PLK5: variants seen among roughly 807,000 people sequenced by gnomAD.
PLK5 encodes inactive serine/threonine-protein kinase PLK5.
Under a neutral mutation model 33.7 loss-of-function variants are expected in PLK5, and 28 were observed. That is an observed-to-expected ratio of 0.83 (90% confidence interval 0.62 to 1.14). The LOEUF is 1.14. Ranked by LOEUF, PLK5 falls within the 50% of genes most tolerant of loss-of-function variation. The probability of loss-of-function intolerance (pLI) is 0.00; values close to 1 mark genes in which losing one functional copy is unlikely to be tolerated. For missense variants in PLK5, 492 were observed against 461.5 expected, an observed-to-expected ratio of 1.07 and a Z score of -0.61; for synonymous variants, 225 against 202.2, an observed-to-expected ratio of 1.11 and a Z score of -0.96.
chr19:1,529,893 ATCCTGGGCCC>A (rs1913878436), intron 11 of PLK5, 69 bp downstream of exon 11: 1 of 1,449,832 alleles, frequency 6.9e-7, no homozygotes, highest in Non-Finnish European at 9.2e-7. Context: ...CTTCATTCCC[ATCCTGGGCCC>A]TCCTGGGTAT....
rs1913842674 is a variant in PLK5, at chr19:1,528,964, G to A, written c.395G>A (p.Trp132Ter). ...EGGPDPDSME[W>*]DGESSLSAKE... is the part of the protein sequence containing the mutation. ...GGGCCAGACCCTGACTCCATGGAGTGGGACGGCGAGGTGAGACATCGGGGT... is the reference window on the plus strand; with the variant it reads ...GGGCCAGACCCTGACTCCATGGAGTAGGACGGCGAGGTGAGACATCGGGGT... The change falls in exon 9 of 14, where the codon TGG becomes TAG. Residue 132 changes from tryptophan (W) to a stop codon, truncating the protein, a stop_gained. Transcript: ENST00000454744. LOFTEE classifies it high-confidence loss of function. 1 of 1,513,684 alleles carries A rather than the reference G, an allele frequency of 6.6e-7. No homozygotes were observed. Among genetic ancestry groups the A allele is most frequent in the Non-Finnish European group, 8.8e-7 (1 of 1,135,846 alleles). The allele number at this position is 1,513,684 out of a possible 1,614,324, so 93.8% of individuals were successfully genotyped here. A position where few individuals can be genotyped will look rare whatever the true frequency, so the allele number is the denominator to read the frequency against.
chr19:1,526,933 C>A lies in PLK5; in HGVS notation c.-64C>A. ...TCTGTGGGACCCCTAACTTCCTGGACCCTGAGGTTGTCTCCAGAAACGGTC... is the reference window on the plus strand; with the variant it reads ...TCTGTGGGACCCCTAACTTCCTGGAACCTGAGGTTGTCTCCAGAAACGGTC... On this transcript the variant is annotated 5_prime_UTR_variant, in exon 6 of 14. Transcript: ENST00000454744. The A allele has an allele frequency of 1.3e-6, 2 of 1,530,840 alleles. No individual in the cohort carries two copies. The highest frequency in any genetic ancestry group is 1.8e-6 in the Non-Finnish European group (2 of 1,142,354). 94.8% of individuals were successfully genotyped at this position (1,530,840 alleles called of 1,614,324 possible). A position where few individuals can be genotyped will look rare whatever the true frequency, so the allele number is the denominator to read the frequency against.
At position 1,535,046 on chromosome 19, in the gene PLK5, G is replaced by T. The variant is rs1179108985; in HGVS notation, c.826-19G>T. Reference sequence around the variant, plus strand: ...CAGGGGTACCCGTCTCCCCTTGACTGGTATCTTACCCTTTGCAGGTGAGCT... The same window carrying T: ...CAGGGGTACCCGTCTCCCCTTGACTTGTATCTTACCCTTTGCAGGTGAGCT... On this transcript the variant is annotated intron_variant, in intron 13 of 13. Transcript: ENST00000454744. 2 of 1,506,756 alleles carry T rather than the reference G, an allele frequency of 1.3e-6. No homozygotes were observed. The highest frequency in any genetic ancestry group is 1.8e-6 in the Non-Finnish European group (2 of 1,132,212). 93.3% of individuals were successfully genotyped at this position (1,506,756 alleles called of 1,614,324 possible).
chr19:1,527,070 G>A (rs529320917), intron 6 of PLK5, 72 bp downstream of exon 6: 95 of 1,403,554 alleles, frequency 6.8e-5, no homozygotes, highest in South Asian at 1.3e-4. Flanking sequence ...GAGCCTGCAC[G>A]GAACAGGTGG....
At chr19:1,533,679 C>T (rs1162112514) in intron 12 of PLK5, 4 of 578,474 alleles carry the variant, frequency 6.9e-6, no homozygotes, top group Non-Finnish European at 1.2e-5. Flanking sequence ...GTCCACTGGC[C>T]TGGGCTGTCC....
At chr19:1,529,068 C>G (rs1913847306) in intron 9 of PLK5, 94 bp downstream of exon 9, 1 of 1,162,678 alleles carries the variant, frequency 8.6e-7, no homozygotes, top group Non-Finnish European at 1.2e-6. Context: ...TTCTCTGAAC[C>G]CCTTCTGGGG....
intron 12 of PLK5, among the ~76,000 whole-genome samples, chr19:1,532,851 A>G (rs1359985126): frequency 2.6e-5 from 4 of 151,754 alleles, no homozygotes; most frequent in Admixed American, 1.3e-4. Flanking sequence ...TATTTTTAGT[A>G]GAGACGGGGT....
chr19:1,531,401 C>CT (rs1841426925), intron 11 of PLK5, among the ~76,000 whole-genome samples: 1 of 140,892 alleles, frequency 7.1e-6, no homozygotes, highest in South Asian at 2.5e-4. Flanking sequence ...GAGCAAGACT[C>CT]TGTCTCAAAA....
chr19:1,529,218 C>G (rs775213523), intron 9 of PLK5, among the ~76,000 whole-genome samples, 188 bp from the exon 10 acceptor site: 2 of 152,228 alleles, frequency 1.3e-5, no homozygotes, highest in Non-Finnish European at 2.9e-5. Flanking sequence ...TGGCTTCAGT[C>G]CATCACATTT....
At chr19:1,529,576 A>G in intron 10 of PLK5, 86 bp downstream of exon 10, 1 of 1,450,142 alleles carries the variant, frequency 6.9e-7, no homozygotes, top group Non-Finnish European at 9.3e-7. Flanking sequence ...GTGGCTTACC[A>G]GGGTCACAGC....
chr19:1,528,291 C>T lies in PLK5; in HGVS notation c.202-11C>T, dbSNP rs1321120514. The T allele has an allele frequency of 1.3e-5, 20 of 1,535,782 alleles. No individual in the cohort carries two copies. Among genetic ancestry groups the T allele is most frequent in the Non-Finnish European group, 1.7e-5 (19 of 1,146,804 alleles). On this transcript the variant is annotated splice_polypyrimidine_tract_variant and intron_variant, in intron 7 of 13. Transcript: ENST00000454744. ...CCTAAGCCGGGGATAACCCCAAATCCCCATCCAAAGGGTTTCACTCCAGAC... is the reference window on the plus strand; with the variant it reads ...CCTAAGCCGGGGATAACCCCAAATCTCCATCCAAAGGGTTTCACTCCAGAC...
rs745452496 is a variant in PLK5, at chr19:1,531,341, G to A, written c.569-397G>A. Among the ~76,000 whole-genome samples, 110 of 152,104 alleles carry A rather than the reference G, an allele frequency of 7.2e-4. 1 individual carries two copies. Among genetic ancestry groups the A allele is most frequent in the Non-Finnish European group, 1.2e-3 (80 of 67,984 alleles). On this transcript the variant is annotated intron_variant, in intron 11 of 13. Transcript: ENST00000454744. ...GGAGAATCGCTTGAACCCAGGAGGC[G>A]GAGGTTGCAGTGAGCCGAGATTGCG...
Position 1,534,039 on chromosome 19 carries a change from C to A in PLK5, c.823C>A (p.Gln275Lys). 2.0e-6 allele frequency: 3 copies of A among 1,534,820 alleles called. No individual in the cohort carries two copies. Among genetic ancestry groups the A allele is most frequent in the Non-Finnish European group, 2.6e-6 (3 of 1,146,342 alleles). The change falls in exon 13 of 14, where the codon CAG becomes AAG. Residue 275 changes from glutamine to lysine, a missense_variant and splice_region_variant. Physicochemically the swap from Gln to Lys is moderately conservative, Grantham distance 53. Coordinates refer to ENST00000454744, the MANE Select transcript of PLK5 (RefSeq NM_001243079.2). ...GCTGCTGTTCAGCAATGGGATGGTG[C>A]AGGTGAGCCCGGGGCTCAAACTCGG... ...LLLLFSNGMV[Q>K]VSFSGVPAQL... is the part of the protein sequence containing the mutation.
Position 1,533,975 on chromosome 19 carries a change from C to G in PLK5, c.759C>G (p.Leu253=), listed in dbSNP as rs1914011447. ...PTPVPPAGPG[L]CLLRFLASEH... ...CTGTGCCACCTGCTGGACCCGGCCT[C>G]TGCCTCCTGCGCTTCCTGGCCTCTG... The change falls in exon 13 of 14, where the codon CTC becomes CTG. Residue 253 remains leucine, a synonymous_variant. Transcript: ENST00000454744. The G allele has an allele frequency of 6.5e-7, 1 of 1,535,200 alleles. No homozygotes were observed. The highest frequency in any genetic ancestry group is 8.7e-7 in the Non-Finnish European group (1 of 1,146,802).
Position 1,531,727 on chromosome 19 carries a change from T to G in PLK5, c.569-11T>G, listed in dbSNP as rs1408861855. 1.3e-6 allele frequency: 2 copies of G among 1,536,786 alleles called. No individual in the cohort carries two copies. On this transcript the variant is annotated splice_polypyrimidine_tract_variant and intron_variant, in intron 11 of 13. Coordinates refer to ENST00000454744, the MANE Select transcript of PLK5 (RefSeq NM_001243079.2). ...TGACCCCTGGCTCAGCATACCTTTG[T>G]TTGTGCCCAGCCACACAGGACCCCC...
In PLK5 at chr19:1,526,502, T is replaced by C; in HGVS notation, c.-296T>C. 3.8e-6 allele frequency: 1 copy of C among 262,478 alleles called. No homozygotes were observed. The highest frequency in any genetic ancestry group is 7.7e-6 in the Non-Finnish European group (1 of 130,508). The allele number at this position is 262,478 out of a possible 1,614,324, so 16.3% of individuals were successfully genotyped here. ...CACCCACAGTCTTTGGCCCACGTGC[T>C]GAGGGCGCGGCAGATCCTGACGGAG... On this transcript the variant is annotated 5_prime_UTR_variant, in exon 4 of 14. Coordinates refer to ENST00000454744, the MANE Select transcript of PLK5 (RefSeq NM_001243079.2).
Position 1,529,044 on chromosome 19 carries a change from TC to T in PLK5, c.405+75del. On this transcript the variant is annotated intron_variant, in intron 9 of 13. Transcript: ENST00000454744. The stretch of plus-strand genomic sequence containing the variant: ...CATGCTGGCCCCTGCTAAAACCCCC[TC>T]CCCCATGCCGGCTTCTCTGAACCCC... The T allele has an allele frequency of 1.2e-5, 16 of 1,330,838 alleles. No homozygotes were observed. In the South Asian group the frequency reaches 2.3e-4, roughly 19 times the overall value. 82.4% of individuals were successfully genotyped at this position (1,330,838 alleles called of 1,614,324 possible).
intron 8 of PLK5, 150 bp from the exon 9 acceptor site, chr19:1,528,748 C>T (rs1341322163): frequency 3.6e-6 from 3 of 827,474 alleles, no homozygotes; most frequent in Non-Finnish European, 5.5e-6. Flanking sequence ...CTGCCCACAC[C>T]TCCCGCCTGC....
In PLK5 at chr19:1,527,978, C is replaced by T. The variant is rs1183292474; in HGVS notation, c.45C>T (p.Pro15=). 1.3e-6 allele frequency: 2 copies of T among 1,535,986 alleles called. No individual in the cohort carries two copies. Among genetic ancestry groups the T allele is most frequent in the African/African-American group, 2.7e-5 (2 of 73,036 alleles). ...LTGTPPFMAS[P]LSEMYQNIRE... ...GCACCCCACCCTTCATGGCCTCACC[C>T]CTGTCGGAGATGTACCAAAACATCC... Residue 15 remains proline, a synonymous_variant, in exon 7 of 14, where the codon CCC becomes CCT. Transcript: ENST00000454744.
Sources: allele counts gnomAD v4.1 joint callset (sites outside exome capture counted in the v4.1 genomes callset), GRCh38; gene constraint gnomAD v4.1.1; transcripts MANE v1.5; gene names NCBI Gene and HGNC (gene_info 2026-07-23, HGNC 2026-07-21).